ABHD2: variants seen among roughly 807,000 people sequenced by gnomAD.
ABHD2 encodes abhydrolase domain containing 2, acylglycerol lipase, also known as monoacylglycerol lipase ABHD2.
A neutral mutation model predicts 48.1 loss-of-function variants in ABHD2; 20 were observed. The observed-to-expected ratio is 0.42, with a 90% CI of 0.29 to 0.60. The LOEUF is 0.60. ABHD2 is among the 20% of genes least tolerant of loss of function. The probability of loss-of-function intolerance (pLI) is 0.24; values close to 1 mark genes in which losing one functional copy is unlikely to be tolerated. For synonymous variants in ABHD2, 209 were observed against 214.2 expected, an observed-to-expected ratio of 0.98 and a Z score of 0.21; for missense variants, 405 against 550.9, an observed-to-expected ratio of 0.74 and a Z score of 2.65.
At chr15:89,158,434 C>T (rs1310607736) in intron 5 of ABHD2, among the ~76,000 whole-genome samples, 2 of 152,172 alleles carry the variant, frequency 1.3e-5, no homozygotes, top group Non-Finnish European at 1.5e-5. Flanking sequence ...CGTTACCACA[C>T]CAGGTCAGGG....
At position 89,173,932 on chromosome 15, in the gene ABHD2, G is replaced by A. The variant is rs138086782; in HGVS notation, c.539-1880G>A. ...GGCCCGGTTTTTCCCTTAGTTTTAGGCATCTCTTGCTTAAGCTCCTTCTAA... is the reference window on the plus strand; with the variant it reads ...GGCCCGGTTTTTCCCTTAGTTTTAGACATCTCTTGCTTAAGCTCCTTCTAA... On this transcript the variant is annotated intron_variant, in intron 5 of 10. Coordinates refer to ENST00000352732, the MANE Select transcript of ABHD2 (RefSeq NM_152924.5). The surrounding 1 kb of genome is among the most constrained non-coding windows in gnomAD (Gnocchi z 6.5). Among the ~76,000 whole-genome samples the A allele has an allele frequency of 8.1e-4, 123 of 152,204 alleles. 3 individuals carry two copies. In the East Asian group the frequency reaches 0.011, roughly 14 times the overall value.
chr15:89,057,523 A>G, the ABHD2 span, among the ~76,000 whole-genome samples: 1 of 152,166 alleles, frequency 6.6e-6, no homozygotes, highest in Non-Finnish European at 1.5e-5. Context: ...GGAAGCTTCA[A>G]TGGTGAAAAT....
At chr15:89,058,424 C>T in the ABHD2 span, among the ~76,000 whole-genome samples, 1 of 152,266 alleles carries the variant, frequency 6.6e-6, no homozygotes, top group Admixed American at 6.5e-5. Flanking sequence ...AATGAAGATG[C>T]CCCGCAGGCA....
Position 89,102,624 on chromosome 15 carries a change from A to AT in ABHD2, c.-106-11095dup, listed in dbSNP as rs2049718851. The AT allele has an allele frequency of 6.6e-6, 1 of 152,178 alleles. No individual in the cohort carries two copies. The highest frequency in any genetic ancestry group is 1.5e-5 in the Non-Finnish European group (1 of 68,020). 9.4% of individuals were successfully genotyped at this position (152,178 alleles called of 1,614,324 possible). A position where few individuals can be genotyped will look rare whatever the true frequency, so the allele number is the denominator to read the frequency against. On this transcript the variant is annotated intron_variant, in intron 1 of 10. Transcript: ENST00000352732. The surrounding 1 kb of genome is among the most constrained non-coding windows in gnomAD (Gnocchi z 4.8). ...CTAATCTCAGAGTAATATTTCTGCC[A>AT]TTTTTTATGAAACCATCTTCCTTGA...
chr15:89,145,837 T>G (rs11073841), intron 3 of ABHD2, among the ~76,000 whole-genome samples: 2 of 152,194 alleles, frequency 1.3e-5, no homozygotes, highest in African/African-American at 4.8e-5. Context: ...GCCCCCTGGT[T>G]TCTTTCTTGG....
At chr15:89,159,271 G>A (rs1342597137) in intron 5 of ABHD2, among the ~76,000 whole-genome samples, 2 of 151,994 alleles carry the variant, frequency 1.3e-5, no homozygotes, top group East Asian at 1.9e-4. Context: ...CAGCTACTTG[G>A]GAGCCTGAGG....
At chr15:89,191,687 G>C (rs932344481) in intron 9 of ABHD2, among the ~76,000 whole-genome samples, 1 of 105,342 alleles carries the variant, frequency 9.5e-6, no homozygotes, top group East Asian at 2.5e-4. Context: ...GAGTGCAGTG[G>C]CGCAATCTCT....
intron 5 of ABHD2, among the ~76,000 whole-genome samples, chr15:89,172,838 G>T (rs1279994356): frequency 1.3e-5 from 2 of 152,182 alleles, no homozygotes; most frequent in African/African-American, 4.8e-5. Context: ...AAAATTGTCT[G>T]GGCTGTTTGT....
chr15:89,068,674 AC>A, the ABHD2 span, among the ~76,000 whole-genome samples: 6 of 149,426 alleles, frequency 4.0e-5, no homozygotes, highest in Non-Finnish European at 7.4e-5. Flanking sequence ...GTCACAGAGC[AC>A]CATATGGCAT....
chr15:89,059,345 C>T, the ABHD2 span, among the ~76,000 whole-genome samples: 3 of 152,170 alleles, frequency 2.0e-5, no homozygotes, highest in Non-Finnish European at 4.4e-5. Context: ...ACCTACCTGC[C>T]TAGACCAGAC....
chr15:89,078,152 C>A, the ABHD2 span, among the ~76,000 whole-genome samples: 1,693 of 152,286 alleles, frequency 0.011, 30 homozygotes, highest in African/African-American at 0.039. Flanking sequence ...ATGCTCACAT[C>A]ACTGTTATTC....
the ABHD2 span, among the ~76,000 whole-genome samples, chr15:89,051,876 A>G: frequency 2.0e-5 from 3 of 152,158 alleles, no homozygotes; most frequent in Non-Finnish European, 4.4e-5. Flanking sequence ...TAGAGGTACC[A>G]TGTCAATATT....
chr15:89,177,098 G>A lies in ABHD2; in HGVS notation c.722+1103G>A, dbSNP rs907081239. On this transcript the variant is annotated intron_variant, in intron 6 of 10. Coordinates refer to ENST00000352732, the MANE Select transcript of ABHD2 (RefSeq NM_152924.5). The surrounding 1 kb of genome is among the most constrained non-coding windows in gnomAD (Gnocchi z 5.6). ...AAAAAGGTGATCTAAATGTACCCAC[G>A]ATAGACATGAGAAACATCTCTGATG... 3.9e-5 allele frequency among the ~76,000 whole-genome samples: 6 copies of A among 152,098 alleles called. No individual in the cohort carries two copies. Among genetic ancestry groups the A allele is most frequent in the African/African-American group, 7.2e-5 (3 of 41,418 alleles).
chr15:89,143,823 G>T (rs1451619942), intron 3 of ABHD2, among the ~76,000 whole-genome samples: 5 of 152,072 alleles, frequency 3.3e-5, no homozygotes, highest in Non-Finnish European at 7.4e-5. Context: ...ACCACCAAGA[G>T]ATGCCACTTC....
chr15:89,049,611 G>C, the ABHD2 span, among the ~76,000 whole-genome samples: 2 of 152,196 alleles, frequency 1.3e-5, no homozygotes, highest in African/African-American at 4.8e-5. Context: ...TTTTAAGCCC[G>C]TCGGAAAAGC....
At chr15:89,070,801 T>A in the ABHD2 span, among the ~76,000 whole-genome samples, 4 of 152,108 alleles carry the variant, frequency 2.6e-5, no homozygotes, top group Non-Finnish European at 4.4e-5. Context: ...TGGGCTGACA[T>A]CATAAGGGGC....
rs1361106059 is a variant in ABHD2 at position 89,182,576 on chromosome 15, G to T, written c.723-2848G>T. On this transcript the variant is annotated intron_variant, in intron 6 of 10. Coordinates refer to ENST00000352732, the MANE Select transcript of ABHD2 (RefSeq NM_152924.5). This position sits in a 1 kb window ranked among gnomAD's most constrained non-coding sequence, Gnocchi z 4.8. ...GGCCGAGACCTAGAGATCACTTGAG[G>T]TCAGGAGTTCTAGACCACCCTGGCC... Among the ~76,000 whole-genome samples, 1 of 152,092 alleles carries T rather than the reference G, an allele frequency of 6.6e-6. No individual in the cohort carries two copies. The highest frequency in any genetic ancestry group is 6.6e-5 in the Admixed American group (1 of 15,266).
chr15:89,053,644 A>T, the ABHD2 span, among the ~76,000 whole-genome samples: 1 of 152,256 alleles, frequency 6.6e-6, no homozygotes, highest in Non-Finnish European at 1.5e-5. Flanking sequence ...AGAATCATGC[A>T]TGAGGACAGC....
chr15:89,068,839 G>A, the ABHD2 span, among the ~76,000 whole-genome samples: 1 of 121,444 alleles, frequency 8.2e-6, no homozygotes. Flanking sequence ...CTAGATCTTA[G>A]CTCACTGCAA....
Sources: gnomAD v4.1 joint callset for allele counts (sites outside exome capture counted in the v4.1 genomes callset) on GRCh38, gnomAD v4.1.1 for gene constraint, Gnocchi (gnomAD v3.1) non-coding constraint, MANE v1.5 for transcripts, NCBI Gene and HGNC (gene_info 2026-07-23, HGNC 2026-07-21) for gene names.